The following NADK variants were observed in gnomAD, a reference collection of about 807,000 sequenced individuals.
The protein encoded by NADK is poly(P)/ATP NAD kinase.
NADK carries 22 observed loss-of-function variants against 49.8 expected under a neutral mutation model. The ratio of observed to expected loss-of-function variants is 0.44; its 90% confidence interval spans 0.32 to 0.63. The LOEUF (loss-of-function observed/expected upper bound fraction) is 0.63, where lower values mean the gene tolerates loss of function less well. Among genes scored for constraint, NADK ranks in the 30% least tolerant of loss-of-function variants. The probability of loss-of-function intolerance (pLI) is 0.06; values close to 1 mark genes in which losing one functional copy is unlikely to be tolerated. For synonymous variants in NADK, 268 were observed against 253.7 expected (o/e 1.06, Z -0.54); for missense variants, 438 against 609.4 (o/e 0.72, Z 2.96).
chr1:1,759,328 G>A, intron 3 of NADK: 1 of 1,434,820 alleles, frequency 7.0e-7, no homozygotes, highest in Non-Finnish European at 9.2e-7. Flanking sequence ...GAAGCTTGCA[G>A]GCACACACGG....
chr1:1,772,160 A>G (rs1557862692), intron 1 of NADK, among the ~76,000 whole-genome samples: 1 of 136,826 alleles, frequency 7.3e-6, no homozygotes, highest in African/African-American at 2.7e-5. Context: ...GGAACCCTGA[A>G]TTTTTTTTTT....
intron 1 of NADK, among the ~76,000 whole-genome samples, chr1:1,774,890 G>A (rs1007880556): frequency 2.6e-5 from 4 of 152,064 alleles, no homozygotes; most frequent in South Asian, 2.1e-4. Flanking sequence ...GGCAGATCAC[G>A]ACATCAGGAG....
chr1:1,757,146 G>T, intron 4 of NADK, 35 bp downstream of exon 4: 1 of 1,524,054 alleles, frequency 6.6e-7, no homozygotes, highest in Non-Finnish European at 8.9e-7. Flanking sequence ...AACTCCATGT[G>T]CACCCCAGGC....
At chr1:1,766,439 A>C (rs1452108241) in intron 1 of NADK, among the ~76,000 whole-genome samples, 1 of 134,474 alleles carries the variant, frequency 7.4e-6, no homozygotes, top group Non-Finnish European at 1.5e-5. Context: ...AAAAAAAAAA[A>C]AAAAAAAAAA....
chr1:1,754,413 G>C lies in NADK; in HGVS notation c.844-30C>G, dbSNP rs1164018007. Reference sequence around the variant, plus strand: ...AGGGGCGACAGCATTGCACACTCAGGGCGGGGGATGCCGCACGGCTCGCAG... The same window carrying C: ...AGGGGCGACAGCATTGCACACTCAGCGCGGGGGATGCCGCACGGCTCGCAG... On this transcript the variant is annotated intron_variant, in intron 8 of 11. Transcript: ENST00000341426. This position sits in a 1 kb window ranked among gnomAD's most constrained non-coding sequence, Gnocchi z 4.3. 2.5e-6 allele frequency: 4 copies of C among 1,611,554 alleles called. No individual in the cohort carries two copies. The highest frequency in any genetic ancestry group is 3.4e-6 in the Non-Finnish European group (4 of 1,178,092).
At chr1:1,763,618 CAAAA>C (rs750600587) in intron 2 of NADK, among the ~76,000 whole-genome samples, 1 of 27,494 alleles carries the variant, frequency 3.6e-5, no homozygotes. Context: ...GACTCCATCT[CAAAA>C]AAAAAAAAAA....
rs1053997896 is a variant in NADK at position 1,755,291 on chromosome 1, A to G, written c.688+83T>C. The G allele has an allele frequency of 9.4e-6, 9 of 958,108 alleles. No individual in the cohort carries two copies. In the Admixed American group the frequency reaches 1.4e-4, roughly 15 times the overall value. The allele number at this position is 958,108 out of a possible 1,614,324, so 59.4% of individuals were successfully genotyped here. ...TTAAATGTTGCTCCATGCATCATTA[A>G]ATGAAAATAAACCCCCCGCAAGCAA... On this transcript the variant is annotated intron_variant, in intron 7 of 11. Coordinates refer to ENST00000341426, the MANE Select transcript of NADK (RefSeq NM_023018.5).
chr1:1,777,964 C>A (rs913662097), intron 1 of NADK, among the ~76,000 whole-genome samples: 1 of 152,214 alleles, frequency 6.6e-6, no homozygotes, highest in African/African-American at 2.4e-5. Flanking sequence ...CACGGAAGGC[C>A]GGACACCGAG....
intron 1 of NADK, among the ~76,000 whole-genome samples, chr1:1,770,085 G>A (rs923844870): frequency 3.9e-5 from 6 of 152,004 alleles, no homozygotes; most frequent in East Asian, 1.9e-4. Flanking sequence ...GAGAACAGGA[G>A]AATTGCTGGA....
At chr1:1,773,409 G>C (rs952466397) in intron 1 of NADK, among the ~76,000 whole-genome samples, 16 of 151,016 alleles carry the variant, frequency 1.1e-4, no homozygotes, top group African/African-American at 3.1e-4. Flanking sequence ...CCAAAGTGCT[G>C]GGATTACAGG....
At chr1:1,753,161 T>C in intron 11 of NADK, 101 bp from the exon 12 acceptor site, 2 of 1,413,612 alleles carry the variant, frequency 1.4e-6, no homozygotes, top group Non-Finnish European at 1.9e-6. Flanking sequence ...CCGGGACTCT[T>C]TTCCTGTGGG....
intron 3 of NADK, chr1:1,758,269 A>C (rs1570522947): frequency 7.1e-7 from 1 of 1,412,582 alleles, no homozygotes; most frequent in Non-Finnish European, 9.5e-7. Context: ...CGTCCCACTA[A>C]CACCCCCAGA....
chr1:1,772,985 G>C (rs1646096428), intron 1 of NADK, among the ~76,000 whole-genome samples: 1 of 148,692 alleles, frequency 6.7e-6, no homozygotes, highest in South Asian at 2.1e-4. Context: ...AGGTTGCGGT[G>C]AGCTGAGATC....
Position 1,754,038 on chromosome 1 carries a change from C to G in NADK, c.1101+13G>C. Reference sequence around the variant, plus strand: ...GACTCACAAACCGGAAAAGGAGTGTCGTTGGCTCTGACCTTCAGCTCGACC... The same window carrying G: ...GACTCACAAACCGGAAAAGGAGTGTGGTTGGCTCTGACCTTCAGCTCGACC... On this transcript the variant is annotated intron_variant, in intron 10 of 11. Transcript: ENST00000341426. This position sits in a 1 kb window ranked among gnomAD's most constrained non-coding sequence, Gnocchi z 4.3. 1.3e-6 allele frequency: 2 copies of G among 1,563,286 alleles called. No individual in the cohort carries two copies. Among genetic ancestry groups the G allele is most frequent in the Non-Finnish European group, 1.7e-6 (2 of 1,154,856 alleles).
intron 3 of NADK, among the ~76,000 whole-genome samples, chr1:1,760,243 G>A (rs1317283562): frequency 6.6e-6 from 1 of 152,204 alleles, no homozygotes; most frequent in East Asian, 1.9e-4. Flanking sequence ...AGCAGTGACA[G>A]GTCACAGACA....
intron 1 of NADK, among the ~76,000 whole-genome samples, chr1:1,765,709 C>T (rs1296752716): frequency 6.6e-6 from 1 of 151,846 alleles, no homozygotes; most frequent in Non-Finnish European, 1.5e-5. Context: ...GCCAGGAGTT[C>T]GAAACCAGCC....
chr1:1,765,059 G>A (rs569972015), intron 2 of NADK, among the ~76,000 whole-genome samples, 169 bp downstream of exon 2: 1 of 152,382 alleles, frequency 6.6e-6, no homozygotes, highest in East Asian at 1.9e-4. Context: ...AGGTGTCCAT[G>A]GGCCAGGATC....
rs1193316714 is a variant in NADK, at chr1:1,752,008, C to G, written c.*896G>C. The G allele has an allele frequency of 6.7e-6, 1 of 150,188 alleles. No individual in the cohort carries two copies. Among genetic ancestry groups the G allele is most frequent in the Admixed American group, 6.7e-5 (1 of 14,906 alleles). The allele number at this position is 150,188 out of a possible 1,614,324, so 9.3% of individuals were successfully genotyped here. A position where few individuals can be genotyped will look rare whatever the true frequency, so the allele number is the denominator to read the frequency against. On this transcript the variant is annotated 3_prime_UTR_variant, in exon 12 of 12. Transcript: ENST00000341426. Reference sequence around the variant, plus strand: ...TTGCAAATAAAAGGGATCACGATCACTAGCCCCGGAAACCCTCATCTCCCG... The same window carrying G: ...TTGCAAATAAAAGGGATCACGATCAGTAGCCCCGGAAACCCTCATCTCCCG...
chr1:1,766,946 A>G (rs561206281), intron 1 of NADK, among the ~76,000 whole-genome samples: 1 of 150,798 alleles, frequency 6.6e-6, no homozygotes, highest in Non-Finnish European at 1.5e-5. Context: ...ACAGAGTCTC[A>G]CTCTGTCGCC....
Sources: allele counts gnomAD v4.1 joint callset (sites outside exome capture counted in the v4.1 genomes callset), GRCh38; gene constraint gnomAD v4.1.1; non-coding constraint Gnocchi (gnomAD v3.1); transcripts MANE v1.5; gene names NCBI Gene and HGNC (gene_info 2026-07-23, HGNC 2026-07-21).